Variants in CLUAP1 observed in about 807,000 individuals in gnomAD.
The protein encoded by CLUAP1 is intraflagellar transport 38, also known as clusterin-associated protein 1.
CLUAP1 carries 50 observed loss-of-function variants against 55.0 expected under a neutral mutation model. The ratio of observed to expected loss-of-function variants is 0.91; its 90% CI spans 0.72 to 1.15. CLUAP1 has a LOEUF of 1.15. Among genes scored for constraint, CLUAP1 ranks in the 50% most tolerant of loss-of-function variants. The pLI is 0.00. For missense variants in CLUAP1, 530 were observed against 507.6 expected (o/e 1.04, Z -0.42); for synonymous variants, 195 against 175.4 (o/e 1.11, Z -0.88).
intron 10 of CLUAP1, among the ~76,000 whole-genome samples, chr16:3,531,705 C>G (rs1412813114): frequency 2.0e-5 from 3 of 152,112 alleles, no homozygotes; most frequent in African/African-American, 7.2e-5. Context: ...CACACACATA[C>G]ACATACAAAG....
rs778078212 is a variant in CLUAP1 at position 3,504,882 on chromosome 16, A to G, written c.134+51A>G. 26 of 1,084,830 alleles carry G rather than the reference A, an allele frequency of 2.4e-5. No homozygotes were observed. In the Middle Eastern group the frequency reaches 2.6e-3, roughly 107 times the overall value. 67.2% of individuals were successfully genotyped at this position (1,084,830 alleles called of 1,614,324 possible). A position where few individuals can be genotyped will look rare whatever the true frequency, so the allele number is the denominator to read the frequency against. Reference sequence around the variant, plus strand: ...TAAGAGTGAATACTGGGTTTTATTTATTAGTCATCTAGAAAACAGGACACA... The same window carrying G: ...TAAGAGTGAATACTGGGTTTTATTTGTTAGTCATCTAGAAAACAGGACACA... On this transcript the variant is annotated intron_variant, in intron 2 of 11. Coordinates refer to ENST00000576634, the MANE Select transcript of CLUAP1 (RefSeq NM_015041.3).
rs370605976 is a variant in CLUAP1, at chr16:3,508,398, C to G, written c.329C>G (p.Thr110Ser). 1 of 1,600,454 alleles carries G rather than the reference C, an allele frequency of 6.2e-7. No individual in the cohort carries two copies. The highest frequency in any genetic ancestry group is 8.5e-7 in the Non-Finnish European group (1 of 1,176,636). The stretch of plus-strand genomic sequence containing the variant: ...TCTGTCCTTTATAATGCTATGAAGA[C>G]CAAGGGGATGGAGGGCTCTGAAATA... ...ITSVLYNAMK[T>S]KGMEGSEIVE... The change falls in exon 4 of 12, where the codon ACC becomes AGC. Residue 110 changes from threonine (T) to serine (S), a missense_variant. Physicochemically the swap from Thr to Ser is moderately conservative, Grantham distance 58. Coordinates refer to ENST00000576634, the MANE Select transcript of CLUAP1 (RefSeq NM_015041.3).
At chr16:3,535,924 C>A in intron 11 of CLUAP1, 198 bp from the exon 12 acceptor site, 1 of 610,820 alleles carries the variant, frequency 1.6e-6, no homozygotes, top group Non-Finnish European at 2.8e-6. Context: ...TTGGAGGATT[C>A]TGGTTGGATG....
chr16:3,530,112 G>C (rs1381372250), intron 9 of CLUAP1, among the ~76,000 whole-genome samples: 1 of 151,106 alleles, frequency 6.6e-6, no homozygotes, highest in Non-Finnish European at 1.5e-5. Context: ...GAGGGCGAGA[G>C]AGAGCAAGAG....
chr16:3,508,565 T>A, intron 4 of CLUAP1, 97 bp downstream of exon 4: 1 of 1,162,052 alleles, frequency 8.6e-7, no homozygotes, highest in Non-Finnish European at 1.2e-6. Flanking sequence ...CTTTTCTTCC[T>A]CCTCAGCTGA....
rs1273946313 is a variant in CLUAP1 at position 3,538,647 on chromosome 16, T to C, written c.*2376T>C. 2 of 152,212 alleles carry C rather than the reference T, an allele frequency of 1.3e-5. No homozygotes were observed. The highest frequency in any genetic ancestry group is 2.9e-5 in the Non-Finnish European group (2 of 68,038). The allele number at this position is 152,212 out of a possible 1,614,324, so 9.4% of individuals were successfully genotyped here. A position where few individuals can be genotyped will look rare whatever the true frequency, so the allele number is the denominator to read the frequency against. On this transcript the variant is annotated 3_prime_UTR_variant, in exon 12 of 12. Coordinates refer to ENST00000576634, the MANE Select transcript of CLUAP1 (RefSeq NM_015041.3). ...AGACATAGGCAACAGCTCCAAAGGG[T>C]ATTTCATTGTGTCACCTGCTTCTAG...
At chr16:3,512,974 C>T (rs1335900000) in intron 5 of CLUAP1, among the ~76,000 whole-genome samples, 1 of 152,176 alleles carries the variant, frequency 6.6e-6, no homozygotes, top group Admixed American at 6.5e-5. Flanking sequence ...GCCACCGCGC[C>T]CGGCACTGGT....
chr16:3,499,935 C>G (rs1032595801), upstream of CLUAP1, among the ~76,000 whole-genome samples: 2 of 152,264 alleles, frequency 1.3e-5, no homozygotes, highest in Non-Finnish European at 2.9e-5. Flanking sequence ...GGGCCCTGTC[C>G]ACCTAGGCTG....
intron 7 of CLUAP1, among the ~76,000 whole-genome samples, chr16:3,522,008 A>G (rs1328821195): frequency 1.3e-5 from 2 of 152,120 alleles, no homozygotes; most frequent in East Asian, 3.9e-4. Context: ...GCAGTAAGCC[A>G]TGATCACACC....
In CLUAP1 at chr16:3,512,340, A is replaced by G. The variant is rs374962888; in HGVS notation, c.400-43A>G. ...GCCAAGACCCTGTCTCTATTAAAAAACATCTGTTGCTGAGGTTTCTGTTTT... is the reference window on the plus strand; with the variant it reads ...GCCAAGACCCTGTCTCTATTAAAAAGCATCTGTTGCTGAGGTTTCTGTTTT... On this transcript the variant is annotated intron_variant, in intron 4 of 11. Transcript: ENST00000576634. 4.0e-6 allele frequency: 6 copies of G among 1,484,522 alleles called. No individual in the cohort carries two copies. In the African/African-American group the frequency reaches 4.2e-5, roughly 10 times the overall value. The allele number at this position is 1,484,522 out of a possible 1,614,324, so 92.0% of individuals were successfully genotyped here.
At position 3,523,217 on chromosome 16, in the gene CLUAP1, C is replaced by T. The variant is rs117478202; in HGVS notation, c.773C>T (p.Thr258Ile). 3.2e-5 allele frequency: 52 copies of T among 1,613,816 alleles called. No individual in the cohort carries two copies. In the East Asian group the frequency reaches 1.1e-3, roughly 35 times the overall value. ...TEEELQKQYDTYLEKFQNLTY... is the reference protein window; with the variant it reads ...TEEELQKQYDIYLEKFQNLTY... ...GAAGAATTACAAAAGCAGTATGACA[C>T]TTATCTGGAGAAATTTCAAAATCTG... Residue 258 changes from threonine (T) to isoleucine (I), a missense_variant, in exon 8 of 12, where the codon ACT becomes ATT. Thr to Ile is a moderately conservative substitution (Grantham distance 89, BLOSUM62 -1). Coordinates refer to ENST00000576634, the MANE Select transcript of CLUAP1 (RefSeq NM_015041.3).
At position 3,536,395 on chromosome 16, in the gene CLUAP1, G is replaced by A. The variant is rs978307460; in HGVS notation, c.*124G>A. On this transcript the variant is annotated 3_prime_UTR_variant, in exon 12 of 12. Transcript: ENST00000576634. ...GCTGGCTGGACTCATGATCACTGAA[G>A]CAATACTTATTTCTGCTTTAGCCTC... is the stretch of plus-strand genomic sequence containing the variant. 9.1e-6 allele frequency: 9 copies of A among 989,040 alleles called. No homozygotes were observed. The African/African-American group carries it at 1.5e-4, about 16-fold the overall frequency. The allele number at this position is 989,040 out of a possible 1,614,324, so 61.3% of individuals were successfully genotyped here.
chr16:3,498,359 A>G (rs2037335056), upstream of CLUAP1, among the ~76,000 whole-genome samples: 1 of 152,118 alleles, frequency 6.6e-6, no homozygotes, highest in South Asian at 2.1e-4. Context: ...AAGCACACTG[A>G]AAAATAATGT....
chr16:3,523,741 G>T (rs2151060852), intron 8 of CLUAP1, among the ~76,000 whole-genome samples: 2 of 152,334 alleles, frequency 1.3e-5, no homozygotes, highest in Admixed American at 1.3e-4. Context: ...AAGACGAGCG[G>T]ATCACTTGAG....
intron 9 of CLUAP1, 35 bp downstream of exon 9, chr16:3,526,519 TGG>T (rs759814733): frequency 1.4e-6 from 2 of 1,447,062 alleles, no homozygotes; most frequent in South Asian, 2.6e-5. Flanking sequence ...CAGTTTACTC[TGG>T]ACTAGTATTT....
chr16:3,523,102 T>C, intron 7 of CLUAP1, 56 bp from the exon 8 acceptor site: 2 of 1,459,606 alleles, frequency 1.4e-6, no homozygotes, highest in Middle Eastern at 2.2e-4. Flanking sequence ...TGAATACCCA[T>C]TTCAAACTAC....
intron 2 of CLUAP1, among the ~76,000 whole-genome samples, chr16:3,505,840 A>G (rs553016674): frequency 9.2e-5 from 14 of 152,386 alleles, no homozygotes; most frequent in African/African-American, 3.4e-4. Context: ...TTTGCTAAAT[A>G]TAAAATTCAT....
At position 3,508,461 on chromosome 16, in the gene CLUAP1, G is replaced by A. The variant is rs1596385448; in HGVS notation, c.392G>A (p.Gly131Asp). The A allele has an allele frequency of 1.3e-6, 2 of 1,571,418 alleles. No individual in the cohort carries two copies. Among genetic ancestry groups the A allele is most frequent in the Non-Finnish European group, 1.7e-6 (2 of 1,167,776 alleles). The change falls in exon 4 of 12, where the codon GGC becomes GAC. Residue 131 changes from glycine to aspartate, a missense_variant. By Grantham distance (94) the Gly-to-Asp change is moderately conservative. Transcript: ENST00000576634. ...GTCAACAAGTTCAAGTTTGATCTTG[G>A]CTCAAAGGTAAGGACAACAAAAGCC... ...EDVNKFKFDL[G>D]SKIADLKAAR...
At chr16:3,500,366 ATTTTTT>A (rs35022426), upstream of CLUAP1, among the ~76,000 whole-genome samples, 1 of 115,546 alleles carries the variant, frequency 8.7e-6, no homozygotes, top group African/African-American at 3.4e-5. Context: ...AGTATAGTGC[ATTTTTT>A]TTTTTTTTTT....
Sources: gnomAD v4.1 joint callset for allele counts (sites outside exome capture counted in the v4.1 genomes callset) on GRCh38, gnomAD v4.1.1 for gene constraint, MANE v1.5 for transcripts, NCBI Gene and HGNC (gene_info 2026-07-23, HGNC 2026-07-21) for gene names.